IL1R1: variants seen among roughly 807,000 people sequenced by gnomAD.
IL1R1 encodes interleukin 1 receptor type 1.
A neutral mutation model predicts 50.2 loss-of-function variants in IL1R1; 22 were observed. That is an observed-to-expected ratio of 0.44 (90% CI 0.31 to 0.63). The LOEUF is 0.63. IL1R1 is among the 20% of genes least tolerant of loss of function. The probability of loss-of-function intolerance (pLI) is 0.07; values close to 1 mark genes in which losing one functional copy is unlikely to be tolerated. For missense variants in IL1R1, 509 were observed against 676.2 expected (o/e 0.75, Z 2.74); for synonymous variants, 251 against 236.7 (o/e 1.06, Z -0.55).
chr2:102,092,913 A>T (rs1301634307), intron 1 of IL1R1, among the ~76,000 whole-genome samples: 1 of 152,096 alleles, frequency 6.6e-6, no homozygotes, highest in Non-Finnish European at 1.5e-5. Flanking sequence ...TTTCGCCAAG[A>T]TGTACTTAGA....
At chr2:102,077,949 T>G (rs1285420033) in intron 1 of IL1R1, among the ~76,000 whole-genome samples, 2 of 152,054 alleles carry the variant, frequency 1.3e-5, no homozygotes, top group Non-Finnish European at 2.9e-5. Context: ...ATGTGAAAAT[T>G]AAACAATATA....
At chr2:102,104,837 C>T (rs533829007) in exon 1 of IL1R1, 1 of 152,348 alleles carries the variant, frequency 6.6e-6, no homozygotes, top group East Asian at 1.9e-4. Flanking sequence ...GGAGGCCAGC[C>T]ATTCCCAAAT....
chr2:102,140,048 A>G (rs547176658), upstream of IL1R1, among the ~76,000 whole-genome samples: 8 of 152,170 alleles, frequency 5.3e-5, no homozygotes, highest in Non-Finnish European at 7.4e-5. Context: ...CTGCTGGTCA[A>G]CTCTGTTCCT....
intron 1 of IL1R1, among the ~76,000 whole-genome samples, chr2:102,074,267 C>T (rs12624116): frequency 0.18 from 27,027 of 152,162 alleles, 2,828 homozygotes; most frequent in East Asian, 0.47. Context: ...CTCCACATGA[C>T]GTGGTCTGGG....
intron 1 of IL1R1, among the ~76,000 whole-genome samples, chr2:102,134,674 G>T (rs1458912724): frequency 2.6e-5 from 4 of 151,798 alleles, no homozygotes; most frequent in Non-Finnish European, 2.9e-5. Flanking sequence ...CACCATGCCC[G>T]GCCTGCATCA....
chr2:102,122,739 C>G (rs1681470039), intron 1 of IL1R1, among the ~76,000 whole-genome samples: 1 of 152,180 alleles, frequency 6.6e-6, no homozygotes, highest in Non-Finnish European at 1.5e-5. Flanking sequence ...GTCTCCATTC[C>G]TTGCTTTTCT....
At chr2:102,169,389 A>G (rs1367547746) in intron 7 of IL1R1, among the ~76,000 whole-genome samples, 1 of 152,262 alleles carries the variant, frequency 6.6e-6, no homozygotes, top group Non-Finnish European at 1.5e-5. Flanking sequence ...TGATTCATTT[A>G]GTTAAATTAA....
chr2:102,171,779 A>T (rs201519516), intron 7 of IL1R1, 22 bp from the exon 8 acceptor site: 12 of 1,384,082 alleles, frequency 8.7e-6, no homozygotes, highest in Non-Finnish European at 1.2e-5. Context: ...TAATGTTAAG[A>T]TTAAAAATAC....
chr2:102,101,975 G>C (rs1680162378), upstream of IL1R1, among the ~76,000 whole-genome samples: 1 of 147,916 alleles, frequency 6.8e-6, no homozygotes, highest in Non-Finnish European at 1.5e-5. Flanking sequence ...GTGTGTGTGG[G>C]TGCGTGTGGG....
chr2:102,171,914 T>C lies in IL1R1; in HGVS notation c.835T>C (p.Tyr279His). The C allele has an allele frequency of 6.7e-7, 1 of 1,498,882 alleles. No individual in the cohort carries two copies. Among genetic ancestry groups the C allele is most frequent in the East Asian group, 2.3e-5 (1 of 43,868 alleles). The allele number at this position is 1,498,882 out of a possible 1,614,324, so 92.8% of individuals were successfully genotyped here. A position where few individuals can be genotyped will look rare whatever the true frequency, so the allele number is the denominator to read the frequency against. ...TGACCCAGTGCTAGGGGAAGACTAT[T>C]ACAGGTATGTATGCTAAGAGTTATT... ...EDDPVLGEDY[Y>H]SVENPANKRR... Residue 279 changes from tyrosine to histidine, a missense_variant, in exon 8 of 12, where the codon TAC (tyrosine) becomes CAC (histidine). By Grantham distance (83) the Tyr-to-His change is moderately conservative. Transcript: ENST00000410023.
At chr2:102,130,046 GTTTA>G (rs1681945377) in intron 1 of IL1R1, among the ~76,000 whole-genome samples, 2 of 151,912 alleles carry the variant, frequency 1.3e-5, no homozygotes, top group Non-Finnish European at 2.9e-5. Context: ...TTTTTACTTT[GTTTA>G]CATTGTTCTG....
At position 102,157,629 on chromosome 2, in the gene IL1R1, A is replaced by T. The variant is rs149582948; in HGVS notation, c.-6-90A>T. The T allele has an allele frequency of 9.1e-6, 7 of 766,328 alleles. No individual in the cohort carries two copies. The African/African-American group carries it at 1.2e-4, about 13-fold the overall frequency. 47.5% of individuals were successfully genotyped at this position (766,328 alleles called of 1,614,324 possible). A position where few individuals can be genotyped will look rare whatever the true frequency, so the allele number is the denominator to read the frequency against. ...GTGACTTGTGGGTGAGGGTGGGGAC[A>T]GGGCCGGTGTTGGTATATTTAGTTT... On this transcript the variant is annotated intron_variant, in intron 2 of 11. Coordinates refer to ENST00000410023, the MANE Select transcript of IL1R1 (RefSeq NM_000877.4).
rs1458703853 is a variant in IL1R1 at position 102,082,643 on chromosome 2, C to CA, written c.-84+12113dup. ...CTTCATCAAACAAAACAAAACAGAA[C>CA]AAACGCCCTGGAGACAGAGAGTCTT... On this transcript the variant is annotated intron_variant, in intron 1 of 11. Transcript: ENST00000409929. Among the ~76,000 whole-genome samples, 30 of 152,268 alleles carry CA rather than the reference C, an allele frequency of 2.0e-4. No homozygotes were observed. The South Asian group carries it at 5.6e-3, about 28-fold the overall frequency.
upstream of IL1R1, among the ~76,000 whole-genome samples, chr2:102,103,616 T>C (rs74845098): frequency 5.2e-3 from 787 of 152,268 alleles, 25 homozygotes; most frequent in Admixed American, 0.037. Flanking sequence ...ATGCAGATTT[T>C]TGAGTAGCGT....
intron 3 of IL1R1, among the ~76,000 whole-genome samples, chr2:102,159,862 G>T (rs1180506934): frequency 6.6e-6 from 1 of 152,322 alleles, no homozygotes; most frequent in South Asian, 2.1e-4. Context: ...GAGCTGGGAA[G>T]AGTAGGATGG....
At chr2:102,145,029 A>G (rs1436417283) in intron 1 of IL1R1, among the ~76,000 whole-genome samples, 2 of 152,242 alleles carry the variant, frequency 1.3e-5, no homozygotes, top group East Asian at 1.9e-4. Flanking sequence ...TATGGAGAAG[A>G]CATCTCAGTA....
intron 1 of IL1R1, among the ~76,000 whole-genome samples, chr2:102,123,357 G>A (rs564360751): frequency 6.6e-6 from 1 of 152,230 alleles, no homozygotes; most frequent in Non-Finnish European, 1.5e-5. Context: ...TTTTTGGAAT[G>A]AGGCATACCC....
At chr2:102,127,577 A>T in intron 1 of IL1R1, among the ~76,000 whole-genome samples, 1 of 152,162 alleles carries the variant, frequency 6.6e-6, no homozygotes, top group East Asian at 1.9e-4. Context: ...AAGAAGTAAT[A>T]TATATAGTAA....
chr2:102,157,697 T>G, intron 2 of IL1R1, 22 bp from the exon 3 acceptor site: 2 of 1,538,244 alleles, frequency 1.3e-6, no homozygotes, highest in Non-Finnish European at 1.8e-6. Context: ...TTTGTCTTTC[T>G]TTCGTTCCTC....
Sources: allele counts gnomAD v4.1 joint callset (sites outside exome capture counted in the v4.1 genomes callset), GRCh38; gene constraint gnomAD v4.1.1; transcripts MANE v1.5; gene names NCBI Gene and HGNC (gene_info 2026-07-23, HGNC 2026-07-21).